Variants in MET observed in about 807,000 individuals in gnomAD.
MET encodes the protein MET proto-oncogene, receptor tyrosine kinase, also known as hepatocyte growth factor receptor.
MET carries 48 observed loss-of-function variants against 133.1 expected under a neutral mutation model. The ratio of observed to expected loss-of-function variants is 0.36; its 90% confidence interval spans 0.29 to 0.46. The LOEUF (loss-of-function observed/expected upper bound fraction) is 0.46. Among genes scored for constraint, MET ranks in the 20% least tolerant of loss-of-function variants. The probability of loss-of-function intolerance (pLI) is 1.00; values close to 1 mark genes in which losing one functional copy is unlikely to be tolerated. For synonymous variants in MET, 628 were observed against 616.5 expected, an observed-to-expected ratio of 1.02 and a Z score of -0.28; for missense variants, 1,442 against 1,695.9, an observed-to-expected ratio of 0.85 and a Z score of 2.63.
chr7:116,712,697 C>T (rs543719365), intron 2 of MET, among the ~76,000 whole-genome samples: 1 of 151,688 alleles, frequency 6.6e-6, no homozygotes, highest in South Asian at 2.1e-4. Flanking sequence ...CCCCTCCCGT[C>T]CCCCCCACAC....
chr7:116,755,036 G>GAAAGA lies in MET; in HGVS notation c.1702-311_1702-307dup, dbSNP rs1554394839. Among the ~76,000 whole-genome samples the GAAAGA allele has an allele frequency of 3.3e-5, 5 of 151,354 alleles. No homozygotes were observed. In the East Asian group the frequency reaches 7.8e-4, roughly 24 times the overall value. On this transcript the variant is annotated intron_variant, in intron 5 of 20. Coordinates refer to ENST00000397752, the MANE Select transcript of MET (RefSeq NM_000245.4). ...AGAAAGAAAGAAAGAAAGAAAGAAA[G>GAAAGA]AAAGAAAAGAAAGAAAGAACGGAAG...
intron 1 of MET, among the ~76,000 whole-genome samples, chr7:116,677,068 A>G (rs961172742): frequency 2.0e-5 from 3 of 150,646 alleles, no homozygotes; most frequent in Admixed American, 6.6e-5. Flanking sequence ...TCCATCCTCT[A>G]TCAGAGATAT....
chr7:116,771,647 A>G lies in MET; in HGVS notation c.2880A>G (p.Gln960=). The G allele has an allele frequency of 6.2e-7, 1 of 1,613,786 alleles. No homozygotes were observed. The highest frequency in any genetic ancestry group is 8.5e-7 in the Non-Finnish European group (1 of 1,179,780). The change falls in exon 13 of 21, where the codon CAA becomes CAG. Residue 960 remains glutamine (Q), a synonymous_variant. Transcript: ENST00000397752. ...GFFLWLKKRK[Q]IKDLGSELVR... ...TCCTGTGGCTGAAAAAGAGAAAGCAAATTAAAGGTGCATTTTTGTTACTGT... is the reference window on the plus strand; with the variant it reads ...TCCTGTGGCTGAAAAAGAGAAAGCAGATTAAAGGTGCATTTTTGTTACTGT...
At chr7:116,717,209 CT>C (rs751262367) in intron 2 of MET, among the ~76,000 whole-genome samples, 11 of 152,328 alleles carry the variant, frequency 7.2e-5, no homozygotes, top group Admixed American at 6.5e-4. Flanking sequence ...GAAGGATCTG[CT>C]TTGCCAGAGA....
chr7:116,768,004 GTGTA>G (rs1227153363), intron 11 of MET, among the ~76,000 whole-genome samples: 1 of 149,352 alleles, frequency 6.7e-6, no homozygotes, highest in African/African-American at 2.5e-5. Context: ...GTGTGTGTGT[GTGTA>G]TACATATGTG....
chr7:116,724,827 A>T (rs1792677679), intron 2 of MET: 1 of 1,289,196 alleles, frequency 7.8e-7, no homozygotes, highest in African/African-American at 1.5e-5. Flanking sequence ...GCCTAGGCTT[A>T]GTCCTAGCCC....
At chr7:116,701,634 A>T (rs931060865) in intron 2 of MET, among the ~76,000 whole-genome samples, 2 of 152,170 alleles carry the variant, frequency 1.3e-5, no homozygotes, top group Non-Finnish European at 2.9e-5. Flanking sequence ...ACTAAGACTT[A>T]TTTCCCCCTA....
chr7:116,771,515 T>G lies in MET; in HGVS notation c.2748T>G (p.Ser916=), dbSNP rs1488322291. 6 of 1,613,810 alleles carry G rather than the reference T, an allele frequency of 3.7e-6. No homozygotes were observed. The highest frequency in any genetic ancestry group is 2.5e-6 in the Non-Finnish European group (3 of 1,179,726). Residue 916 remains serine, a synonymous_variant, in exon 13 of 21, where the codon TCT becomes TCG. Coordinates refer to ENST00000397752, the MANE Select transcript of MET (RefSeq NM_000245.4). Reference sequence around the variant, plus strand: ...ATTTTTAGTGGAAGCAAGCAATTTCTTCAACCGTCCTTGGAAAAGTAATAG... The same window carrying G: ...ATTTTTAGTGGAAGCAAGCAATTTCGTCAACCGTCCTTGGAAAAGTAATAG... ...ELNIEWKQAI[S]STVLGKVIVQ...
In MET at chr7:116,699,106, G is replaced by A. The variant is rs758564871; in HGVS notation, c.22G>A (p.Ala8Thr). 19 of 1,613,754 alleles carry A rather than the reference G, an allele frequency of 1.2e-5. No individual in the cohort carries two copies. The African/African-American group carries it at 2.0e-4, about 17-fold the overall frequency. ...CATAATGAAGGCCCCCGCTGTGCTT[G>A]CACCTGGCATCCTCGTGCTCCTGTT... MKAPAVL[A>T]PGILVLLFTL... Residue 8 changes from alanine (A) to threonine (T), a missense_variant, in exon 2 of 21, where the codon GCA becomes ACA. Ala to Thr is a moderately conservative substitution (Grantham distance 58, BLOSUM62 0). This residue lies in a region of MET where 762 missense variants were observed against 792.4 expected (regional missense o/e 0.96). Transcript: ENST00000397752.
intron 5 of MET, among the ~76,000 whole-genome samples, chr7:116,754,990 AAGAAAGAAAG>A (rs1331718048): frequency 7.0e-6 from 1 of 142,674 alleles, no homozygotes; most frequent in African/African-American, 2.6e-5. Context: ...AAAGGAAAGA[AAGAAAGAAAG>A]AAAGAAAGAA....
Position 116,796,519 on chromosome 7 carries a change from G to C in MET, c.*395G>C, listed in dbSNP as rs1288686098. On this transcript the variant is annotated 3_prime_UTR_variant, in exon 21 of 21. Coordinates refer to ENST00000397752, the MANE Select transcript of MET (RefSeq NM_000245.4). ...GCTCAGGACAGGAGCGGCAGCCCCAGAACAGGCCACTCATTTAGAATTCTA... is the reference window on the plus strand; with the variant it reads ...GCTCAGGACAGGAGCGGCAGCCCCACAACAGGCCACTCATTTAGAATTCTA... 3 of 350,970 alleles carry C rather than the reference G, an allele frequency of 8.5e-6. No homozygotes were observed. Among genetic ancestry groups the C allele is most frequent in the Non-Finnish European group, 1.6e-5 (3 of 190,166 alleles). The allele number at this position is 350,970 out of a possible 1,614,324, so 21.7% of individuals were successfully genotyped here.
chr7:116,717,162 C>T (rs1432479365), intron 2 of MET, among the ~76,000 whole-genome samples: 1 of 152,146 alleles, frequency 6.6e-6, no homozygotes, highest in Non-Finnish European at 1.5e-5. Flanking sequence ...GACCACAGCA[C>T]CCTAACAGCC....
intron 5 of MET, among the ~76,000 whole-genome samples, chr7:116,754,823 A>T (rs573486887): frequency 6.6e-6 from 1 of 150,878 alleles, no homozygotes. Context: ...TCTGAAAAAG[A>T]AAAGAAAAGA....
chr7:116,786,774 G>T (rs1358197090), intron 19 of MET, among the ~76,000 whole-genome samples: 1 of 152,232 alleles, frequency 6.6e-6, no homozygotes, highest in Non-Finnish European at 1.5e-5. Flanking sequence ...TGCAAACAAA[G>T]TAGTCAGAAA....
chr7:116,713,203 G>T (rs892943505), intron 2 of MET, among the ~76,000 whole-genome samples: 1 of 152,096 alleles, frequency 6.6e-6, no homozygotes, highest in East Asian at 1.9e-4. Flanking sequence ...AGACCATCCC[G>T]GCTAAAACGG....
At chr7:116,698,522 G>T (rs541305999) in intron 1 of MET, among the ~76,000 whole-genome samples, 28 of 152,282 alleles carry the variant, frequency 1.8e-4, no homozygotes, top group African/African-American at 6.3e-4. Flanking sequence ...TAAACAGCAT[G>T]TGATCATATT....
intron 5 of MET, among the ~76,000 whole-genome samples, chr7:116,746,186 T>C (rs1399264024): frequency 6.6e-6 from 1 of 152,224 alleles, no homozygotes; most frequent in Non-Finnish European, 1.5e-5. Flanking sequence ...AAAATGCTCA[T>C]TATCACTGGC....
intron 19 of MET, among the ~76,000 whole-genome samples, chr7:116,791,617 C>A (rs995201080): frequency 1.3e-5 from 2 of 151,964 alleles, no homozygotes; most frequent in Non-Finnish European, 2.9e-5. Context: ...TTCGAGTTCT[C>A]TGTATATTGT....
chr7:116,697,904 C>T (rs1270211245), intron 1 of MET, among the ~76,000 whole-genome samples: 1 of 152,190 alleles, frequency 6.6e-6, no homozygotes, highest in Non-Finnish European at 1.5e-5. Context: ...CACATTGCAG[C>T]TTCACTGAAG....
Sources: allele counts gnomAD v4.1 joint callset (sites outside exome capture counted in the v4.1 genomes callset), GRCh38; gene constraint gnomAD v4.1.1; regional missense constraint gnomAD v4.1.1; transcripts MANE v1.5; gene names NCBI Gene and HGNC (gene_info 2026-07-23, HGNC 2026-07-21).